The following SYT9 variants were observed in gnomAD, a reference collection of about 807,000 sequenced individuals.
SYT9 encodes the protein synaptotagmin-9.
In SYT9, 22 loss-of-function variants were observed where a neutral mutation model predicts 48.4. The ratio of observed to expected loss-of-function variants is 0.45; its 90% confidence interval spans 0.32 to 0.65. The LOEUF (loss-of-function observed/expected upper bound fraction) is 0.65. Among genes scored for constraint, SYT9 ranks in the 30% least tolerant of loss-of-function variants. The probability of loss-of-function intolerance (pLI) is 0.03; values close to 1 mark genes in which losing one functional copy is unlikely to be tolerated. For synonymous variants in SYT9, 265 were observed against 245.0 expected (o/e 1.08, Z -0.76); for missense variants, 577 against 622.0 (o/e 0.93, Z 0.77).
intron 6 of SYT9, among the ~76,000 whole-genome samples, chr11:7,463,258 A>C (rs1848265553): frequency 6.6e-6 from 1 of 152,238 alleles, no homozygotes; most frequent in Admixed American, 6.5e-5. Flanking sequence ...AACCACCGTT[A>C]CTGTCTCCGG....
chr11:7,398,670 A>G (rs1198024083), intron 3 of SYT9, among the ~76,000 whole-genome samples: 1 of 152,162 alleles, frequency 6.6e-6, no homozygotes, highest in African/African-American at 2.4e-5. Flanking sequence ...TAGTTTTAGC[A>G]TCAGTATATT....
chr11:7,286,178 G>A (rs1038926090), intron 1 of SYT9, among the ~76,000 whole-genome samples: 1 of 152,052 alleles, frequency 6.6e-6, no homozygotes, highest in South Asian at 2.1e-4. Flanking sequence ...TCTCCATGAG[G>A]GCTCCACCCC....
At chr11:7,316,133 T>C (rs1204937417) in intron 3 of SYT9, among the ~76,000 whole-genome samples, 1 of 150,956 alleles carries the variant, frequency 6.6e-6, no homozygotes, top group African/African-American at 2.4e-5. Context: ...TTTTATAATA[T>C]AGAATGTATA....
At chr11:7,445,374 G>A (rs994137534) in intron 6 of SYT9, among the ~76,000 whole-genome samples, 1 of 152,158 alleles carries the variant, frequency 6.6e-6, no homozygotes, top group Non-Finnish European at 1.5e-5. Flanking sequence ...GGGCTTCACT[G>A]TCCAGCCTTG....
At chr11:7,416,985 T>C (rs532667467) in intron 4 of SYT9, among the ~76,000 whole-genome samples, 1 of 152,184 alleles carries the variant, frequency 6.6e-6, no homozygotes, top group Non-Finnish European at 1.5e-5. Context: ...CATTAAATTC[T>C]GAACTCTAAC....
chr11:7,333,304 A>G (rs955905551), intron 3 of SYT9, among the ~76,000 whole-genome samples: 1 of 152,184 alleles, frequency 6.6e-6, no homozygotes, highest in African/African-American at 2.4e-5. Flanking sequence ...ACACTCAGCT[A>G]TGTGGAGAAT....
intron 3 of SYT9, among the ~76,000 whole-genome samples, chr11:7,401,343 A>AAT (rs1470428905): frequency 1.3e-5 from 2 of 150,812 alleles, no homozygotes; most frequent in South Asian, 2.1e-4. Context: ...ATATAATGCA[A>AAT]ATATATATAT....
intron 6 of SYT9, among the ~76,000 whole-genome samples, chr11:7,464,378 A>T (rs570984800): frequency 2.0e-5 from 3 of 152,350 alleles, no homozygotes; most frequent in African/African-American, 7.2e-5. Context: ...AGAAATGTAG[A>T]CTGGACCTAC....
intron 3 of SYT9, among the ~76,000 whole-genome samples, chr11:7,319,223 G>T (rs1241713067): frequency 1.6e-5 from 1 of 61,362 alleles, no homozygotes; most frequent in African/African-American, 6.5e-5. Context: ...TTGAGACTGA[G>T]TCTTGCTTTG....
intron 6 of SYT9, among the ~76,000 whole-genome samples, chr11:7,462,046 T>C (rs1271069264): frequency 1.3e-5 from 2 of 152,368 alleles, no homozygotes; most frequent in Non-Finnish European, 1.5e-5. Context: ...GTCTGGACTG[T>C]TCAGAATTCA....
At chr11:7,323,505 A>T (rs766645150) in intron 3 of SYT9, among the ~76,000 whole-genome samples, 2 of 151,964 alleles carry the variant, frequency 1.3e-5, no homozygotes, top group Non-Finnish European at 2.9e-5. Flanking sequence ...ACCAATACAA[A>T]TGCCAGTGGA....
intron 1 of SYT9, among the ~76,000 whole-genome samples, chr11:7,261,810 G>T (rs1329587928): frequency 6.6e-6 from 1 of 152,108 alleles, no homozygotes; most frequent in African/African-American, 2.4e-5. Context: ...ACTGTAGTGA[G>T]GTTGGCAAAA....
chr11:7,418,513 A>C (rs1438364930), intron 5 of SYT9, among the ~76,000 whole-genome samples: 9 of 152,240 alleles, frequency 5.9e-5, no homozygotes, highest in Non-Finnish European at 1.5e-5. Context: ...GATTCCACTC[A>C]AAATGGCAGA....
chr11:7,442,938 T>C (rs1374167270), intron 6 of SYT9, among the ~76,000 whole-genome samples: 1 of 152,034 alleles, frequency 6.6e-6, no homozygotes, highest in African/African-American at 2.4e-5. Context: ...GCGCCTGCCT[T>C]CCAGGAGTAC....
intron 3 of SYT9, among the ~76,000 whole-genome samples, chr11:7,415,443 G>C (rs1847223702): frequency 1.3e-5 from 2 of 152,150 alleles, no homozygotes. Flanking sequence ...GTGGGAGATT[G>C]GAGGTATGCA....
chr11:7,433,091 CT>C (rs1439102780), intron 6 of SYT9, among the ~76,000 whole-genome samples: 2 of 152,074 alleles, frequency 1.3e-5, no homozygotes, highest in African/African-American at 4.8e-5. Flanking sequence ...TGAGGGAGTT[CT>C]TGCAAGATCT....
chr11:7,257,372 C>T (rs1489634641), intron 1 of SYT9, among the ~76,000 whole-genome samples: 2 of 151,996 alleles, frequency 1.3e-5, no homozygotes, highest in African/African-American at 4.8e-5. Context: ...GTCCACCAAT[C>T]TGAGAGGGGA....
intron 3 of SYT9, among the ~76,000 whole-genome samples, chr11:7,412,669 T>A (rs1440501863): frequency 6.6e-6 from 1 of 152,150 alleles, no homozygotes; most frequent in Non-Finnish European, 1.5e-5. Flanking sequence ...CTTGCTGAAA[T>A]GCTAGTAGTG....
At chr11:7,320,938 A>T (rs528644021) in intron 3 of SYT9, among the ~76,000 whole-genome samples, 1 of 152,134 alleles carries the variant, frequency 6.6e-6, no homozygotes, top group Non-Finnish European at 1.5e-5. Context: ...TTCTGGGTTA[A>T]TGTTGTCTGT....
Sources: gnomAD v4.1 joint callset for allele counts (sites outside exome capture counted in the v4.1 genomes callset) on GRCh38, gnomAD v4.1.1 for gene constraint, MANE v1.5 for transcripts, NCBI Gene and HGNC (gene_info 2026-07-23, HGNC 2026-07-21) for gene names.